The following GALNT13 variants were observed in gnomAD, a reference collection of about 807,000 sequenced individuals.
GALNT13 encodes UDP-GalNAc:polypeptide N-acetylgalactosaminyltransferase 13.
In GALNT13, 28 loss-of-function variants were observed where a neutral mutation model predicts 64.2. The ratio of observed to expected loss-of-function variants is 0.44; its 90% CI spans 0.32 to 0.60. The LOEUF (loss-of-function observed/expected upper bound fraction) is 0.60, where lower values mean the gene tolerates loss of function less well. GALNT13 is among the 20% of genes least tolerant of loss of function. The pLI is 0.05. For missense variants in GALNT13, 577 were observed against 669.8 expected, an observed-to-expected ratio of 0.86 and a Z score of 1.53; for synonymous variants, 214 against 224.6, an observed-to-expected ratio of 0.95 and a Z score of 0.42.
intron 1 of GALNT13, among the ~76,000 whole-genome samples, chr2:153,899,277 G>C (rs1239926197): frequency 6.6e-6 from 1 of 152,168 alleles, no homozygotes; most frequent in East Asian, 1.9e-4. Context: ...CCTATTGGCT[G>C]TGTCAGATTG....
chr2:153,506,209 C>A, the GALNT13 span, among the ~76,000 whole-genome samples: 1 of 151,974 alleles, frequency 6.6e-6, no homozygotes, highest in African/African-American at 2.4e-5. Context: ...TTTTCCACAC[C>A]TTTACCTTAG....
At chr2:153,914,278 G>A (rs1389896862) in intron 2 of GALNT13, among the ~76,000 whole-genome samples, 1 of 152,046 alleles carries the variant, frequency 6.6e-6, no homozygotes. Context: ...GAGGTCAGGA[G>A]TTCGAGACCA....
the GALNT13 span, among the ~76,000 whole-genome samples, chr2:153,368,758 A>G: frequency 6.6e-6 from 1 of 152,156 alleles, no homozygotes. Context: ...CAGTAATTGA[A>G]CAAATAGAAA....
the GALNT13 span, among the ~76,000 whole-genome samples, chr2:153,786,988 T>A: frequency 2.6e-5 from 4 of 151,980 alleles, no homozygotes; most frequent in Admixed American, 6.5e-5. Flanking sequence ...TCACGCTGAG[T>A]GGTTGCTAAC....
the GALNT13 span, among the ~76,000 whole-genome samples, chr2:153,597,043 T>C: frequency 6.6e-6 from 1 of 152,048 alleles, no homozygotes; most frequent in South Asian, 2.1e-4. Context: ...AAATCTAAAT[T>C]TTAGAAAAAT....
At chr2:153,430,456 A>G in the GALNT13 span, among the ~76,000 whole-genome samples, 2 of 151,770 alleles carry the variant, frequency 1.3e-5, no homozygotes, top group South Asian at 2.1e-4. Flanking sequence ...TTCTTTTAAG[A>G]TTTTCATTAA....
At chr2:153,979,921 G>T (rs1694345614) in intron 3 of GALNT13, among the ~76,000 whole-genome samples, 1 of 152,118 alleles carries the variant, frequency 6.6e-6, no homozygotes, top group African/African-American at 2.4e-5. Context: ...TAATTCAATG[G>T]ATAGAGACTG....
chr2:154,058,742 A>C (rs2105362169), intron 3 of GALNT13, among the ~76,000 whole-genome samples: 1 of 152,344 alleles, frequency 6.6e-6, no homozygotes, highest in East Asian at 1.9e-4. Context: ...GAAATTAATT[A>C]GCAGGCAATA....
intron 8 of GALNT13, among the ~76,000 whole-genome samples, chr2:154,298,602 TATATATTAATTTATA>T (rs1693139869): frequency 1.1e-3 from 2 of 1,886 alleles, no homozygotes; most frequent in Non-Finnish European, 0.017. Flanking sequence ...ATATACAATG[TATATATTAATTTATA>T]TATACATTGT....
the GALNT13 span, among the ~76,000 whole-genome samples, chr2:153,520,486 T>A: frequency 6.6e-6 from 1 of 152,198 alleles, no homozygotes; most frequent in Non-Finnish European, 1.5e-5. Flanking sequence ...TATTCAAAAA[T>A]GCAATCTGAA....
At chr2:154,312,067 C>T (rs909100043) in intron 9 of GALNT13, among the ~76,000 whole-genome samples, 1 of 151,894 alleles carries the variant, frequency 6.6e-6, no homozygotes, top group Non-Finnish European at 1.5e-5. Context: ...ACATCCTTCT[C>T]GGCTGACAGG....
chr2:153,832,834 G>A, the GALNT13 span, among the ~76,000 whole-genome samples: 4 of 152,120 alleles, frequency 2.6e-5, no homozygotes, highest in Admixed American at 1.3e-4. Flanking sequence ...TCACAGCTAT[G>A]CAATTCTGAC....
At chr2:153,570,882 A>C in the GALNT13 span, among the ~76,000 whole-genome samples, 2,678 of 152,094 alleles carry the variant, frequency 0.018, 30 homozygotes, top group Non-Finnish European at 0.027. Flanking sequence ...ATTTGAAGTC[A>C]GGTAATGCCA....
chr2:153,595,479 A>G, the GALNT13 span, among the ~76,000 whole-genome samples: 1 of 152,032 alleles, frequency 6.6e-6, no homozygotes, highest in Admixed American at 6.6e-5. Flanking sequence ...TTATTTCAAT[A>G]TAAGGAAGAT....
At chr2:153,916,196 C>T (rs1425764790) in intron 2 of GALNT13, among the ~76,000 whole-genome samples, 3 of 143,838 alleles carry the variant, frequency 2.1e-5, no homozygotes, top group Non-Finnish European at 4.5e-5. Context: ...CTTGCTCTGT[C>T]ACCCAAGCTG....
chr2:154,244,808 A>G (rs1689686400), intron 6 of GALNT13, among the ~76,000 whole-genome samples: 1 of 152,168 alleles, frequency 6.6e-6, no homozygotes, highest in African/African-American at 2.4e-5. Flanking sequence ...TAAGAACACC[A>G]ACCTTTCTCT....
At chr2:153,628,156 T>C in the GALNT13 span, among the ~76,000 whole-genome samples, 1 of 152,084 alleles carries the variant, frequency 6.6e-6, no homozygotes, top group Non-Finnish European at 1.5e-5. Context: ...TGTCTGTTAT[T>C]GGTGTATAAG....
intron 4 of GALNT13, among the ~76,000 whole-genome samples, chr2:154,185,593 G>T (rs1225051835): frequency 6.6e-6 from 1 of 151,510 alleles, no homozygotes; most frequent in Non-Finnish European, 1.5e-5. Context: ...ATCTGTCTTT[G>T]TGTTCTCTGA....
At chr2:154,426,237 C>T (rs1405735553) in intron 11 of GALNT13, among the ~76,000 whole-genome samples, 1 of 152,208 alleles carries the variant, frequency 6.6e-6, no homozygotes, top group Non-Finnish European at 1.5e-5. Flanking sequence ...CAGGGTTGCG[C>T]TCTGCCAGCA....
Sources: allele counts gnomAD v4.1 joint callset (sites outside exome capture counted in the v4.1 genomes callset), GRCh38; gene constraint gnomAD v4.1.1; transcripts MANE v1.5; gene names NCBI Gene and HGNC (gene_info 2026-07-23, HGNC 2026-07-21).